The following UTRN variants were observed in gnomAD, a reference collection of about 807,000 sequenced individuals.
The protein encoded by UTRN is dystrophin-related protein 1.
Under a neutral mutation model 463.9 loss-of-function variants are expected in UTRN, and 283 were observed. That is an observed-to-expected ratio of 0.61 (90% CI 0.55 to 0.67). UTRN has a LOEUF of 0.67. UTRN is among the 30% of genes least tolerant of loss of function. The pLI is 0.00. For missense variants in UTRN, 3,922 were observed against 4,084.3 expected (o/e 0.96, Z 1.08); for synonymous variants, 1,442 against 1,431.5 (o/e 1.01, Z -0.17).
chr6:144,292,419 A>C (rs1431084848), intron 2 of UTRN, among the ~76,000 whole-genome samples: 1 of 152,126 alleles, frequency 6.6e-6, no homozygotes, highest in Non-Finnish European at 1.5e-5. Context: ...AATAAACCAG[A>C]CTCAGACAGA....
chr6:144,544,873 G>A (rs1225959877), intron 46 of UTRN, among the ~76,000 whole-genome samples: 3 of 151,764 alleles, frequency 2.0e-5, no homozygotes, highest in Non-Finnish European at 2.9e-5. Context: ...GGCTGCTTAC[G>A]TATCCTCTTT....
intron 60 of UTRN, among the ~76,000 whole-genome samples, chr6:144,774,843 T>C (rs1775177084): frequency 6.6e-6 from 1 of 152,198 alleles, no homozygotes; most frequent in South Asian, 2.1e-4. Context: ...TCTTGAGACA[T>C]TTAGTATTAT....
intron 2 of UTRN, among the ~76,000 whole-genome samples, chr6:144,386,407 C>G (rs759987913): frequency 6.6e-6 from 1 of 152,012 alleles, no homozygotes; most frequent in Non-Finnish European, 1.5e-5. Context: ...TGCAGTGAGC[C>G]GTGATCATAC....
intron 2 of UTRN, among the ~76,000 whole-genome samples, chr6:144,392,931 C>G (rs1444168921): frequency 6.6e-6 from 1 of 152,124 alleles, no homozygotes; most frequent in African/African-American, 2.4e-5. Context: ...AAACAAAGAG[C>G]AATCCTTTAC....
chr6:144,526,803 ATTG>A (rs1347187001), intron 41 of UTRN, among the ~76,000 whole-genome samples: 2 of 95,598 alleles, frequency 2.1e-5, no homozygotes, highest in African/African-American at 4.1e-5. Flanking sequence ...TCTATGCTTT[ATTG>A]TTGTTGTTGT....
At position 144,459,189 on chromosome 6, in the gene UTRN, C is replaced by G; in HGVS notation, c.2542C>G (p.Leu848Val). The part of the protein sequence containing the change: ...KDSCQRELTN[L>V]LGLHPKIEMA... ...TCTTCCTTAGCGGGAATTGACAAAT[C>G]TTCTTGGCCTTCACCCCAAAATTGA... The change falls in exon 21 of 75, where the codon CTT becomes GTT. Residue 848 changes from leucine (L) to valine (V), a missense_variant. Leu to Val is a conservative substitution (Grantham distance 32). Coordinates refer to ENST00000367545, the MANE Select transcript of UTRN (RefSeq NM_007124.3). The G allele has an allele frequency of 6.2e-7, 1 of 1,611,218 alleles. No homozygotes were observed.
intron 50 of UTRN, among the ~76,000 whole-genome samples, chr6:144,574,197 G>T (rs1801213012): frequency 6.6e-6 from 1 of 152,182 alleles, no homozygotes; most frequent in South Asian, 2.1e-4. Flanking sequence ...AGTTTGAGAA[G>T]TAAACTGGGA....
chr6:144,649,411 T>TAAAATC (rs1778586605), intron 51 of UTRN, among the ~76,000 whole-genome samples: 1 of 152,204 alleles, frequency 6.6e-6, no homozygotes. Flanking sequence ...TTAAATGAAT[T>TAAAATC]AAAATCAAAA....
intron 2 of UTRN, among the ~76,000 whole-genome samples, chr6:144,322,734 C>T (rs1029542130): frequency 4.6e-5 from 7 of 152,042 alleles, no homozygotes; most frequent in African/African-American, 1.4e-4. Context: ...GTCAGGAGAT[C>T]GAGACCATCC....
chr6:144,658,448 C>A (rs1779541580), intron 51 of UTRN, among the ~76,000 whole-genome samples: 1 of 152,134 alleles, frequency 6.6e-6, no homozygotes. Flanking sequence ...TAAATGGAAT[C>A]TCTTACGACC....
At chr6:144,498,828 T>C (rs1793910762) in intron 33 of UTRN, among the ~76,000 whole-genome samples, 1 of 152,136 alleles carries the variant, frequency 6.6e-6, no homozygotes, top group Admixed American at 6.5e-5. Flanking sequence ...TAATTTTTTG[T>C]ATTTTTTACA....
chr6:144,432,039 G>T (rs1178590537), intron 9 of UTRN, among the ~76,000 whole-genome samples: 1 of 151,996 alleles, frequency 6.6e-6, no homozygotes, highest in Non-Finnish European at 1.5e-5. Context: ...CAACATGAAG[G>T]TTTGTTACAT....
intron 25 of UTRN, among the ~76,000 whole-genome samples, chr6:144,479,187 C>T (rs1330552838): frequency 3.4e-4 from 48 of 140,648 alleles, no homozygotes; most frequent in Admixed American, 3.2e-3. Flanking sequence ...GGTGCGATCT[C>T]GGCTCACTGC....
intron 65 of UTRN, among the ~76,000 whole-genome samples, chr6:144,806,541 A>G (rs1778164101): frequency 1.4e-5 from 2 of 146,402 alleles, no homozygotes; most frequent in Admixed American, 6.8e-5. Context: ...TTTAATAGCA[A>G]TGAATGATCT....
chr6:144,496,684 A>G (rs943033789), intron 33 of UTRN, among the ~76,000 whole-genome samples: 1 of 152,218 alleles, frequency 6.6e-6, no homozygotes, highest in African/African-American at 2.4e-5. Context: ...GGGTAGTGAA[A>G]GAGAAAAACA....
At chr6:144,577,010 C>A in intron 50 of UTRN, 89 bp from the exon 51 acceptor site, 2 of 1,313,486 alleles carry the variant, frequency 1.5e-6, no homozygotes, top group Non-Finnish European at 2.1e-6. Context: ...TTGGGGGCTG[C>A]CTGTTAGTTT....
intron 45 of UTRN, among the ~76,000 whole-genome samples, chr6:144,541,804 G>A (rs1277510125): frequency 6.6e-6 from 1 of 152,136 alleles, no homozygotes; most frequent in African/African-American, 2.4e-5. Flanking sequence ...AGCTGTGGAA[G>A]GTTTTGTTGA....
chr6:144,728,916 C>T (rs771176834), intron 53 of UTRN, among the ~76,000 whole-genome samples: 1 of 152,142 alleles, frequency 6.6e-6, no homozygotes, highest in Non-Finnish European at 1.5e-5. Flanking sequence ...CAGCTCTTCT[C>T]ATCCCTCCCC....
At chr6:144,770,104 T>C (rs921479230) in intron 58 of UTRN, among the ~76,000 whole-genome samples, 5 of 152,230 alleles carry the variant, frequency 3.3e-5, no homozygotes, top group Non-Finnish European at 7.3e-5. Flanking sequence ...TGTCTCTGCA[T>C]TGGAGTCAAG....
Sources: allele counts gnomAD v4.1 joint callset (sites outside exome capture counted in the v4.1 genomes callset), GRCh38; gene constraint gnomAD v4.1.1; transcripts MANE v1.5; gene names NCBI Gene and HGNC (gene_info 2026-07-23, HGNC 2026-07-21).